FHOD3: variants seen among roughly 807,000 people sequenced by gnomAD.
FHOD3 encodes formin homology 2 domain containing 3, also known as FH1/FH2 domain-containing protein 3.
A neutral mutation model predicts 173.0 loss-of-function variants in FHOD3; 90 were observed. The ratio of observed to expected loss-of-function variants is 0.52; its 90% CI spans 0.44 to 0.62. The LOEUF is 0.62. Ranked by LOEUF, FHOD3 falls within the 20% of genes least tolerant of loss-of-function variation. The pLI is 0.00. For missense variants in FHOD3, 1,945 were observed against 2,034.7 expected, an observed-to-expected ratio of 0.96 and a Z score of 0.85; for synonymous variants, 828 against 823.0, an observed-to-expected ratio of 1.01 and a Z score of -0.10.
chr18:36,531,902 TCCTGC>T (rs1425847454), intron 5 of FHOD3, among the ~76,000 whole-genome samples: 5 of 152,362 alleles, frequency 3.3e-5, no homozygotes, highest in Admixed American at 1.3e-4. Context: ...CCCAACTCTC[TCCTGC>T]CCTGCCCAGC....
At chr18:36,509,437 AAAAAG>A (rs1299238814) in intron 4 of FHOD3, among the ~76,000 whole-genome samples, 17 of 78,720 alleles carry the variant, frequency 2.2e-4, no homozygotes, top group African/African-American at 4.9e-4. Flanking sequence ...AAAAAAAAAA[AAAAAG>A]AAAAAAAAAA....
At chr18:36,664,811 A>AGAGAGATT (rs1434593563) in intron 14 of FHOD3, among the ~76,000 whole-genome samples, 186 of 149,004 alleles carry the variant, frequency 1.2e-3, no homozygotes, top group African/African-American at 4.5e-3. Flanking sequence ...AGAGAGAGAG[A>AGAGAGATT]GAGATTGAGA....
At chr18:36,710,677 A>T (rs1178936115) in intron 18 of FHOD3, 1 of 152,228 alleles carries the variant, frequency 6.6e-6, no homozygotes, top group Non-Finnish European at 1.5e-5. Context: ...TTGCATTGAA[A>T]ATCCAGTGTC....
At chr18:36,502,911 G>C (rs976253742) in intron 4 of FHOD3, among the ~76,000 whole-genome samples, 2 of 152,210 alleles carry the variant, frequency 1.3e-5, no homozygotes, top group Admixed American at 6.5e-5. Flanking sequence ...GAATGGGATA[G>C]GTGTAGGCAT....
intron 1 of FHOD3, among the ~76,000 whole-genome samples, chr18:36,327,568 T>G (rs1205377905): frequency 6.6e-6 from 1 of 152,220 alleles, no homozygotes; most frequent in East Asian, 1.9e-4. Context: ...AGAGAAGTAA[T>G]TTGGGTGAGG....
intron 8 of FHOD3, among the ~76,000 whole-genome samples, chr18:36,604,750 G>T (rs2148519296): frequency 6.6e-6 from 1 of 152,252 alleles, no homozygotes; most frequent in African/African-American, 2.4e-5. Flanking sequence ...CAGAGGAAGA[G>T]ATTTAACTAT....
intron 20 of FHOD3, among the ~76,000 whole-genome samples, chr18:36,736,451 A>AT (rs2041636685): frequency 2.0e-5 from 3 of 152,204 alleles, no homozygotes; most frequent in Admixed American, 6.5e-5. Flanking sequence ...ACATAAACGA[A>AT]TTGAAAGATG....
chr18:36,656,070 T>A (rs528850434), intron 13 of FHOD3, among the ~76,000 whole-genome samples: 1 of 152,312 alleles, frequency 6.6e-6, no homozygotes, highest in Non-Finnish European at 1.5e-5. Context: ...GGAGCCTGTG[T>A]GGATCAGGCT....
Position 36,501,939 on chromosome 18 carries a change from A to G in FHOD3, c.345A>G (p.Leu115=), listed in dbSNP as rs1201605114. 1.2e-5 allele frequency: 19 copies of G among 1,601,252 alleles called. No individual in the cohort carries two copies. Among genetic ancestry groups the G allele is most frequent in the Non-Finnish European group, 1.6e-5 (19 of 1,172,598 alleles). The change falls in exon 4 of 29, where the codon CTA becomes CTG. Residue 115 remains leucine (L), a synonymous_variant. Coordinates refer to ENST00000590592, the MANE Select transcript of FHOD3 (RefSeq NM_001281740.3). ...TTTTATTCTTTATTTCAGAAAAACT[A>G]TACAACTCCAGCGGACGAGATTTGA... The part of the protein sequence containing the change: ...SVRVHACIEK[L]YNSSGRDLRR...
chr18:36,462,976 T>G (rs2052652376), intron 3 of FHOD3, among the ~76,000 whole-genome samples: 1 of 152,198 alleles, frequency 6.6e-6, no homozygotes. Context: ...ATAATTTATA[T>G]GAAATTACTG....
intron 3 of FHOD3, among the ~76,000 whole-genome samples, chr18:36,450,544 C>A (rs1252241664): frequency 1.3e-5 from 2 of 151,872 alleles, no homozygotes; most frequent in Non-Finnish European, 2.9e-5. Flanking sequence ...GTAATCCTAG[C>A]ACTTTGGGAG....
intron 2 of FHOD3, among the ~76,000 whole-genome samples, chr18:36,369,782 T>C (rs2047087369): frequency 6.6e-6 from 1 of 152,168 alleles, no homozygotes; most frequent in African/African-American, 2.4e-5. Flanking sequence ...GGTTAGGTTT[T>C]AGTACTGAGG....
intron 1 of FHOD3, among the ~76,000 whole-genome samples, chr18:36,311,821 TG>T (rs1258510021): frequency 6.6e-6 from 1 of 152,202 alleles, no homozygotes; most frequent in Non-Finnish European, 1.5e-5. Flanking sequence ...TCTTTGCTGA[TG>T]GGGGGAGGGG....
intron 3 of FHOD3, among the ~76,000 whole-genome samples, chr18:36,395,316 C>CAAA (rs34684195): frequency 0.22 from 30,003 of 133,380 alleles, 3,683 homozygotes; most frequent in East Asian, 0.65. Context: ...GACTCCGTCT[C>CAAA]AAAAAAAAAA....
At chr18:36,642,884 T>G (rs949088173) in intron 10 of FHOD3, among the ~76,000 whole-genome samples, 1 of 151,296 alleles carries the variant, frequency 6.6e-6, no homozygotes, top group Non-Finnish European at 1.5e-5. Flanking sequence ...TTGTGGGGGT[T>G]TTTTTCAGTA....
intron 9 of FHOD3, among the ~76,000 whole-genome samples, chr18:36,622,359 GAAAA>G (rs963857834): frequency 8.5e-5 from 13 of 152,158 alleles, no homozygotes; most frequent in Non-Finnish European, 1.6e-4. Flanking sequence ...TAAATAAAAA[GAAAA>G]AAATTCTTAA....
At chr18:36,338,891 C>T (rs1346263593) in intron 1 of FHOD3, among the ~76,000 whole-genome samples, 2 of 152,106 alleles carry the variant, frequency 1.3e-5, no homozygotes, top group East Asian at 1.9e-4. Context: ...TGAAGGGTGC[C>T]GTGTGGATAA....
At chr18:36,341,128 T>A (rs1372257812) in intron 1 of FHOD3, among the ~76,000 whole-genome samples, 1 of 152,252 alleles carries the variant, frequency 6.6e-6, no homozygotes, top group Non-Finnish European at 1.5e-5. Flanking sequence ...ATTACAGTGT[T>A]CTGTGAGCTT....
chr18:36,304,344 T>G (rs1202251794), intron 1 of FHOD3, among the ~76,000 whole-genome samples: 1 of 152,186 alleles, frequency 6.6e-6, no homozygotes, highest in East Asian at 1.9e-4. Flanking sequence ...TGGAACAGGA[T>G]AGACTGTGAG....
Sources: gnomAD v4.1 joint callset for allele counts (sites outside exome capture counted in the v4.1 genomes callset) on GRCh38, gnomAD v4.1.1 for gene constraint, MANE v1.5 for transcripts, NCBI Gene and HGNC (gene_info 2026-07-23, HGNC 2026-07-21) for gene names.